Variants in TSC22D1 observed in about 807,000 individuals in gnomAD.
TSC22D1 encodes TSC22 domain family member 1, also known as TSC22 domain family protein 1.
Under a neutral mutation model 74.2 loss-of-function variants are expected in TSC22D1, and 9 were observed. The observed-to-expected ratio is 0.12, with a 90% CI of 0.07 to 0.21. TSC22D1 has a LOEUF of 0.21. Ranked by LOEUF, TSC22D1 falls within the 10% of genes least tolerant of loss-of-function variation. The pLI is 1.00. For missense variants in TSC22D1, 1,427 were observed against 1,304.7 expected, an observed-to-expected ratio of 1.09 and a Z score of -1.44; for synonymous variants, 586 against 492.5, an observed-to-expected ratio of 1.19 and a Z score of -2.51.
intron 1 of TSC22D1, among the ~76,000 whole-genome samples, chr13:44,526,644 G>C (rs909281057): frequency 2.0e-5 from 3 of 152,210 alleles, no homozygotes; most frequent in African/African-American, 7.2e-5. Flanking sequence ...AATACTGTCA[G>C]TCAAAAAGGC....
Sources: gnomAD v4.1 joint callset for allele counts (sites outside exome capture counted in the v4.1 genomes callset) on GRCh38, gnomAD v4.1.1 for gene constraint, MANE v1.5 for transcripts, NCBI Gene and HGNC (gene_info 2026-07-23, HGNC 2026-07-21) for gene names.